The following ACTR3B variants were observed in gnomAD, a reference collection of about 807,000 sequenced individuals.
ACTR3B encodes actin-related protein 3B.
ACTR3B carries 8 observed loss-of-function variants against 59.0 expected under a neutral mutation model. The observed-to-expected ratio is 0.14, with a 90% CI of 0.08 to 0.24. ACTR3B has a LOEUF of 0.24. Among genes scored for constraint, ACTR3B ranks in the 10% least tolerant of loss-of-function variants. ACTR3B has a pLI of 1.00. For missense variants in ACTR3B, 245 were observed against 552.3 expected, an observed-to-expected ratio of 0.44 and a Z score of 5.58; for synonymous variants, 148 against 197.9, an observed-to-expected ratio of 0.75 and a Z score of 2.12.
intron 1 of ACTR3B, among the ~76,000 whole-genome samples, chr7:152,779,179 A>G (rs1334123846): frequency 2.0e-5 from 3 of 152,220 alleles, no homozygotes; most frequent in East Asian, 1.9e-4. Context: ...CTGGTTGACC[A>G]CCAGAACCAT....
intron 9 of ACTR3B, among the ~76,000 whole-genome samples, chr7:152,838,712 A>G (rs1215847689): frequency 1.3e-5 from 2 of 152,208 alleles, no homozygotes; most frequent in Non-Finnish European, 2.9e-5. Context: ...TGCTTCCTCC[A>G]TTTCCCACTG....
At chr7:152,820,911 A>G (rs1355688460) in intron 7 of ACTR3B, among the ~76,000 whole-genome samples, 2 of 152,380 alleles carry the variant, frequency 1.3e-5, no homozygotes, top group African/African-American at 4.8e-5. Flanking sequence ...TTCTGAGTGT[A>G]GCAGAGCTTG....
At chr7:152,767,113 G>T (rs1339178902) in intron 1 of ACTR3B, among the ~76,000 whole-genome samples, 1 of 146,238 alleles carries the variant, frequency 6.8e-6, no homozygotes, top group East Asian at 2.0e-4. Flanking sequence ...TTTTTTTAAT[G>T]GTTTCATTTT....
At position 152,759,773 on chromosome 7, in the gene ACTR3B, G is replaced by C; in HGVS notation, c.-110G>C. 1.1e-6 allele frequency: 1 copy of C among 881,400 alleles called. No individual in the cohort carries two copies. The highest frequency in any genetic ancestry group is 1.4e-6 in the Non-Finnish European group (1 of 711,188). 54.6% of individuals were successfully genotyped at this position (881,400 alleles called of 1,614,324 possible). A position where few individuals can be genotyped will look rare whatever the true frequency, so the allele number is the denominator to read the frequency against. On this transcript the variant is annotated 5_prime_UTR_variant, in exon 1 of 12. Coordinates refer to ENST00000256001, the MANE Select transcript of ACTR3B (RefSeq NM_020445.6). ...GAGCATCCGGGCTCCCGGCAGCGGC[G>C]CTGCGGCGGCTCGCGGGAGACGCTG...
intron 2 of ACTR3B, among the ~76,000 whole-genome samples, chr7:152,794,772 A>G (rs1382918582): frequency 6.6e-6 from 1 of 152,036 alleles, no homozygotes; most frequent in East Asian, 1.9e-4. Flanking sequence ...TTTCTAGCCC[A>G]TGTTCAGCCC....
rs191799982 is a variant in ACTR3B at position 152,853,700 on chromosome 7, C to G, written c.1161+123C>G. On this transcript the variant is annotated intron_variant, in intron 11 of 11. Coordinates refer to ENST00000256001, the MANE Select transcript of ACTR3B (RefSeq NM_020445.6). Reference sequence around the variant, plus strand: ...ATCGTGTGGCTCTAAACAGACCATTCTGTAAGATATAAATTATATCTTTTT... The same window carrying G: ...ATCGTGTGGCTCTAAACAGACCATTGTGTAAGATATAAATTATATCTTTTT... 13 of 792,386 alleles carry G rather than the reference C, an allele frequency of 1.6e-5. No homozygotes were observed. In the East Asian group the frequency reaches 3.6e-4, roughly 22 times the overall value. The allele number at this position is 792,386 out of a possible 1,614,324, so 49.1% of individuals were successfully genotyped here.
intron 9 of ACTR3B, among the ~76,000 whole-genome samples, chr7:152,845,472 G>C (rs2689541): frequency 0.014 from 2,145 of 151,892 alleles, 20 homozygotes; most frequent in Non-Finnish European, 0.018. Flanking sequence ...TGCCCATGCA[G>C]AGTGCTGACC....
At chr7:152,779,337 C>T (rs1297687787) in intron 1 of ACTR3B, among the ~76,000 whole-genome samples, 1 of 152,108 alleles carries the variant, frequency 6.6e-6, no homozygotes, top group African/African-American at 2.4e-5. Flanking sequence ...TTCCTTGATG[C>T]CTACCCAGAT....
chr7:152,815,335 G>C (rs1795602964), intron 5 of ACTR3B, among the ~76,000 whole-genome samples: 1 of 152,206 alleles, frequency 6.6e-6, no homozygotes, highest in African/African-American at 2.4e-5. Context: ...TCCAGGCTCT[G>C]AGGATTCCTG....
At chr7:152,793,426 G>A (rs1373389565) in intron 2 of ACTR3B, among the ~76,000 whole-genome samples, 1 of 128,384 alleles carries the variant, frequency 7.8e-6, no homozygotes, top group Non-Finnish European at 1.6e-5. Flanking sequence ...TCTTTCCTCT[G>A]TCCTTTTCTT....
At chr7:152,774,451 T>A (rs937449378) in intron 1 of ACTR3B, among the ~76,000 whole-genome samples, 84 of 149,698 alleles carry the variant, frequency 5.6e-4, no homozygotes, top group Non-Finnish European at 1.0e-3. Context: ...TTTTTTTTTT[T>A]AATTTTTAAA....
intron 9 of ACTR3B, among the ~76,000 whole-genome samples, chr7:152,851,619 G>A (rs1442275318): frequency 3.3e-5 from 5 of 152,268 alleles, no homozygotes; most frequent in Non-Finnish European, 7.3e-5. Flanking sequence ...CACCGAGCGA[G>A]TCTTGGCCCT....
intron 4 of ACTR3B, among the ~76,000 whole-genome samples, chr7:152,810,533 G>C (rs1046251109): frequency 6.6e-6 from 1 of 151,752 alleles, no homozygotes; most frequent in Non-Finnish European, 1.5e-5. Context: ...TCCTGGGCTG[G>C]AGTGATCCTC....
At chr7:152,847,256 G>T (rs10271502) in intron 9 of ACTR3B, among the ~76,000 whole-genome samples, 4,351 of 152,262 alleles carry the variant, frequency 0.029, 105 homozygotes, top group African/African-American at 0.067. Context: ...AGTCCGCTCC[G>T]CAGGGCTCAC....
rs951385537 is a variant in ACTR3B at position 152,764,873 on chromosome 7, A to C, written c.44+4947A>C. Reference sequence around the variant, plus strand: ...AATAGAGCCTATTGCCAATTTGTAAAATTACCAACCTAGAATAAATGATAT... The same window carrying C: ...AATAGAGCCTATTGCCAATTTGTAACATTACCAACCTAGAATAAATGATAT... On this transcript the variant is annotated intron_variant, in intron 1 of 11. Transcript: ENST00000256001. Among the ~76,000 whole-genome samples the C allele has an allele frequency of 1.9e-4, 29 of 152,142 alleles. 3 individuals carry two copies. The highest frequency in any genetic ancestry group is 1.6e-3 in the Admixed American group (24 of 15,278).
At chr7:152,784,058 C>T (rs1278274602) in intron 2 of ACTR3B, among the ~76,000 whole-genome samples, 1 of 151,522 alleles carries the variant, frequency 6.6e-6, no homozygotes, top group Non-Finnish European at 1.5e-5. Context: ...CCACTGCACT[C>T]CAGCCTGAGT....
Position 152,759,788 on chromosome 7 carries a change from G to A in ACTR3B, c.-95G>A. ...CGGCAGCGGCGCTGCGGCGGCTCGC[G>A]GGAGACGCTGCGCGCGGGGCTAGCG... On this transcript the variant is annotated 5_prime_UTR_variant, in exon 1 of 12. Coordinates refer to ENST00000256001, the MANE Select transcript of ACTR3B (RefSeq NM_020445.6). 1 of 1,011,286 alleles carries A rather than the reference G, an allele frequency of 9.9e-7. No individual in the cohort carries two copies. Among genetic ancestry groups the A allele is most frequent in the Non-Finnish European group, 1.2e-6 (1 of 820,804 alleles). 62.6% of individuals were successfully genotyped at this position (1,011,286 alleles called of 1,614,324 possible).
intron 1 of ACTR3B, among the ~76,000 whole-genome samples, chr7:152,772,109 C>A (rs1207656382): frequency 6.6e-6 from 1 of 152,070 alleles, no homozygotes; most frequent in African/African-American, 2.4e-5. Flanking sequence ...AAGAATACTA[C>A]ACATATTTAA....
At chr7:152,772,885 A>G (rs1266730444) in intron 1 of ACTR3B, among the ~76,000 whole-genome samples, 2 of 152,058 alleles carry the variant, frequency 1.3e-5, no homozygotes, top group Non-Finnish European at 2.9e-5. Flanking sequence ...CTGAAAGTCA[A>G]CAATATCATG....
Sources: gnomAD v4.1 joint callset for allele counts (sites outside exome capture counted in the v4.1 genomes callset) on GRCh38, gnomAD v4.1.1 for gene constraint, MANE v1.5 for transcripts, NCBI Gene and HGNC (gene_info 2026-07-23, HGNC 2026-07-21) for gene names.